PAK3: variants seen among roughly 807,000 people sequenced by gnomAD.
PAK3 encodes the protein p21 (RAC1) activated kinase 3.
A neutral mutation model predicts 41.0 loss-of-function variants in PAK3; 4 were observed. The ratio of observed to expected loss-of-function variants is 0.10; its 90% CI spans 0.05 to 0.22. The LOEUF (loss-of-function observed/expected upper bound fraction) is 0.22. Among genes scored for constraint, PAK3 ranks in the 10% least tolerant of loss-of-function variants. The probability of loss-of-function intolerance (pLI) is 1.00; values close to 1 mark genes in which losing one functional copy is unlikely to be tolerated. For missense variants in PAK3, 205 were observed against 409.9 expected (o/e 0.50, Z 4.32); for synonymous variants, 146 against 139.6 (o/e 1.05, Z -0.32).
intron 5 of PAK3, among the ~76,000 whole-genome samples, chrX:111,133,234 T>G (rs2093743803): frequency 1.8e-5 from 2 of 111,777 alleles, no homozygotes; most frequent in Admixed American, 1.9e-4. Context: ...TCTCATTTCC[T>G]CATCAACATG....
chrX:110,983,778 T>C (rs61591128), intron 1 of PAK3, among the ~76,000 whole-genome samples: 1,890 of 111,080 alleles, frequency 0.017, 43 homozygotes, highest in African/African-American at 0.058. Context: ...CTGGAGTTGA[T>C]ACAAGCTGCC....
At chrX:110,982,269 G>A (rs1486611005) in intron 1 of PAK3, among the ~76,000 whole-genome samples, 1 of 111,998 alleles carries the variant, frequency 8.9e-6, no homozygotes, top group East Asian at 2.8e-4. Flanking sequence ...TGCACACCAA[G>A]TTGGTTGTGA....
Position 111,227,088 on chromosome X carries a change from C to T in PAK3, c.*6641C>T, listed in dbSNP as rs1233445221. 8.9e-6 allele frequency: 1 copy of T among 112,220 alleles called. No individual in the cohort carries two copies. The highest frequency in any genetic ancestry group is 3.2e-5 in the African/African-American group (1 of 30,891). 9.2% of individuals were successfully genotyped at this position (112,220 alleles called of 1,213,427 possible). A position where few individuals can be genotyped will look rare whatever the true frequency, so the allele number is the denominator to read the frequency against. On this transcript the variant is annotated 3_prime_UTR_variant, in exon 18 of 18. Coordinates refer to ENST00000372007, the MANE Select transcript of PAK3 (RefSeq NM_002578.5). ...CATGTGTAGTGAAATTCTTCTGTAA[C>T]TTTGGATTAAAGGTATTTATGGTCT...
rs1302172852 is a variant in PAK3, at chrX:111,208,129, A to G, written c.1408-8292A>G. Among the ~76,000 whole-genome samples, 4 of 112,893 alleles carry G rather than the reference A, an allele frequency of 3.5e-5. No individual in the cohort carries two copies. The East Asian group carries it at 1.1e-3, about 31-fold the overall frequency. The stretch of plus-strand genomic sequence containing the variant: ...TTAGTTTTTAACAAAAAAGTTTGAA[A>G]TGAAAAAAGGAAAACATTTTTAAGA... On this transcript the variant is annotated intron_variant, in intron 16 of 17. Transcript: ENST00000372007.
rs141856892 is a variant in PAK3 at position 111,043,210 on chromosome X, C to T, written c.-27-79867C>T. ...TCAGGCAGCTGAGGCAGGAGGATTG[C>T]TAGAGCCCAGGAGTTTGAGGCTGCA... On this transcript the variant is annotated intron_variant, in intron 1 of 14. Coordinates refer to the PAK3 transcript ENST00000425146. Among the ~76,000 whole-genome samples, 28 of 109,293 alleles carry T rather than the reference C, an allele frequency of 2.6e-4. 3 individuals carry two copies. The East Asian group carries it at 7.8e-3, about 30-fold the overall frequency. 94.9% of individuals were successfully genotyped at this position (109,293 alleles called of 115,157 possible). A position where few individuals can be genotyped will look rare whatever the true frequency, so the allele number is the denominator to read the frequency against.
intron 1 of PAK3, among the ~76,000 whole-genome samples, chrX:111,026,397 T>G (rs2092270163): frequency 9.0e-6 from 1 of 111,276 alleles, no homozygotes; most frequent in South Asian, 3.8e-4. Context: ...ATTGTATACC[T>G]AGAAAACTCT....
At chrX:111,207,792 GGTTTT>G (rs771169034) in intron 16 of PAK3, among the ~76,000 whole-genome samples, 3 of 111,406 alleles carry the variant, frequency 2.7e-5, no homozygotes, top group Middle Eastern at 9.3e-3. Context: ...TTTTTGGGGA[GGTTTT>G]GTTTTGTTTT....
chrX:111,214,753 T>G (rs959438303), intron 16 of PAK3, among the ~76,000 whole-genome samples: 1 of 110,969 alleles, frequency 9.0e-6, no homozygotes, highest in Non-Finnish European at 1.9e-5. Context: ...AAGAGATGTC[T>G]TCAAGAGCTG....
intron 4 of PAK3, among the ~76,000 whole-genome samples, chrX:111,120,872 A>C (rs1212545761): frequency 2.7e-5 from 3 of 112,118 alleles, no homozygotes; most frequent in African/African-American, 9.7e-5. Context: ...AAAAGAGAAA[A>C]CTAGTGACTT....
chrX:111,010,366 C>T (rs2091993941), intron 1 of PAK3, among the ~76,000 whole-genome samples: 2 of 111,493 alleles, frequency 1.8e-5, no homozygotes, highest in Non-Finnish European at 3.8e-5. Flanking sequence ...AAATCAAATC[C>T]TTGACAAGCC....
intron 16 of PAK3, among the ~76,000 whole-genome samples, chrX:111,207,792 G>GGTTTT (rs771169034): frequency 5.4e-5 from 6 of 111,405 alleles, no homozygotes; most frequent in Admixed American, 1.9e-4. Context: ...TTTTTGGGGA[G>GGTTTT]GTTTTGTTTT....
upstream of PAK3, among the ~76,000 whole-genome samples, chrX:111,094,501 G>A (rs1232637161): frequency 9.1e-6 from 1 of 110,182 alleles, no homozygotes; most frequent in Non-Finnish European, 1.9e-5. Flanking sequence ...CTTAAAAATG[G>A]TCTGGATTAC....
chrX:111,183,695 T>A (rs768987843), intron 11 of PAK3, among the ~76,000 whole-genome samples: 1 of 111,806 alleles, frequency 8.9e-6, no homozygotes, highest in Non-Finnish European at 1.9e-5. Context: ...GTGGGAAACA[T>A]CAAAACCTGG....
chrX:111,218,664 G>A (rs1212473737), intron 17 of PAK3, among the ~76,000 whole-genome samples: 3 of 111,373 alleles, frequency 2.7e-5, no homozygotes, highest in African/African-American at 9.8e-5. Context: ...GAAGCTGCAG[G>A]GGATAATCCT....
rs2094249822 is a variant in PAK3 at position 111,165,981 on chromosome X, TTTCTCTACTGGACTTCATGC to T, written c.766+2257_766+2276del. On this transcript the variant is annotated intron_variant, in intron 10 of 17. Coordinates refer to ENST00000372007, the MANE Select transcript of PAK3 (RefSeq NM_002578.5). Reference sequence around the variant, plus strand: ...ATTAAGAATTCAGTGGGGTTTTTTTTTTCTCTACTGGACTTCATGCTTGGGCATAGAGAGAGTCATTTTCC... The same window carrying T: ...ATTAAGAATTCAGTGGGGTTTTTTTTTTGGGCATAGAGAGAGTCATTTTCC... Among the ~76,000 whole-genome samples the T allele has an allele frequency of 5.4e-5, 6 of 111,330 alleles. No individual in the cohort carries two copies. The South Asian group carries it at 1.9e-3, about 35-fold the overall frequency.
intron 1 of PAK3, among the ~76,000 whole-genome samples, chrX:110,987,439 G>A (rs1012416103): frequency 9.0e-6 from 1 of 111,270 alleles, no homozygotes; most frequent in Non-Finnish European, 1.9e-5. Context: ...CCTAAAATGT[G>A]TTGGAGCTGT....
intron 4 of PAK3, among the ~76,000 whole-genome samples, chrX:111,121,549 TGATA>T (rs2093569146): frequency 8.9e-6 from 1 of 111,868 alleles, no homozygotes; most frequent in Non-Finnish European, 1.9e-5. Context: ...CGGAAAGCAT[TGATA>T]GATAATTTTT....
At chrX:111,090,601 G>A (rs777581423) in intron 1 of PAK3, among the ~76,000 whole-genome samples, 2 of 111,306 alleles carry the variant, frequency 1.8e-5, no homozygotes, top group Admixed American at 9.5e-5. Context: ...TGGTTATCAG[G>A]AGCAGACACT....
intron 4 of PAK3, among the ~76,000 whole-genome samples, chrX:111,115,457 C>A (rs1251514520): frequency 2.7e-5 from 3 of 111,415 alleles, no homozygotes; most frequent in Non-Finnish European, 5.6e-5. Context: ...AAATGTTTAT[C>A]CCCCACCATT....
Sources: allele counts gnomAD v4.1 joint callset (sites outside exome capture counted in the v4.1 genomes callset), GRCh38; gene constraint gnomAD v4.1.1; transcripts MANE v1.5; gene names NCBI Gene and HGNC (gene_info 2026-07-23, HGNC 2026-07-21).